The following PIP5K1B variants were observed in gnomAD, a reference collection of about 807,000 sequenced individuals.
The protein encoded by PIP5K1B is phosphatidylinositol-4-phosphate 5-kinase type 1 beta.
A neutral mutation model predicts 67.0 loss-of-function variants in PIP5K1B; 42 were observed. The ratio of observed to expected loss-of-function variants is 0.63; its 90% CI spans 0.49 to 0.81. The LOEUF is 0.81. Among genes scored for constraint, PIP5K1B ranks in the 30% least tolerant of loss-of-function variants. The pLI, the probability that PIP5K1B is intolerant of heterozygous loss-of-function variation, is 0.00. For synonymous variants in PIP5K1B, 214 were observed against 231.4 expected (o/e 0.92, Z 0.68); for missense variants, 459 against 646.3 (o/e 0.71, Z 3.14).
intron 4 of PIP5K1B, among the ~76,000 whole-genome samples, chr9:68,831,270 CAA>C (rs771078981): frequency 1.3e-5 from 2 of 152,176 alleles, no homozygotes; most frequent in Non-Finnish European, 1.5e-5. Context: ...TATTACCAAT[CAA>C]AAGCAATTTT....
chr9:68,763,461 TC>T (rs1333037005), intron 2 of PIP5K1B, among the ~76,000 whole-genome samples: 4 of 152,072 alleles, frequency 2.6e-5, no homozygotes, highest in Non-Finnish European at 5.9e-5. Context: ...AAAAAAGCAC[TC>T]AACGAATGTC....
chr9:68,991,506 G>A (rs1470335730), intron 15 of PIP5K1B, among the ~76,000 whole-genome samples: 1 of 152,212 alleles, frequency 6.6e-6, no homozygotes, highest in Non-Finnish European at 1.5e-5. Context: ...CTCTAATGTT[G>A]AGGCAAAGTA....
intron 2 of PIP5K1B, among the ~76,000 whole-genome samples, chr9:68,762,794 CGT>C (rs2132394485): frequency 6.6e-6 from 1 of 152,160 alleles, no homozygotes; most frequent in East Asian, 1.9e-4. Context: ...CACTTAGAAA[CGT>C]TTATGAGTGT....
At chr9:68,893,932 T>C (rs1222952313) in intron 7 of PIP5K1B, among the ~76,000 whole-genome samples, 1 of 152,226 alleles carries the variant, frequency 6.6e-6, no homozygotes, top group African/African-American at 2.4e-5. Context: ...TTACATAGTG[T>C]GGTTGTAAAT....
intron 1 of PIP5K1B, among the ~76,000 whole-genome samples, chr9:68,720,264 G>A (rs566840464): frequency 3.9e-5 from 6 of 152,180 alleles, no homozygotes; most frequent in Non-Finnish European, 7.4e-5. Context: ...TTCCTTCCCC[G>A]AGGAGCAGCC....
chr9:68,789,401 G>T, intron 2 of PIP5K1B: 2 of 434,632 alleles, frequency 4.6e-6, no homozygotes, highest in Admixed American at 2.8e-5. Context: ...ACATAGTCCT[G>T]AAATGTGTCC....
intron 4 of PIP5K1B, among the ~76,000 whole-genome samples, chr9:68,832,188 A>G (rs1834361526): frequency 6.6e-6 from 1 of 152,266 alleles, no homozygotes; most frequent in African/African-American, 2.4e-5. Context: ...TAAAGTGATC[A>G]TTTCAAAAAT....
chr9:68,994,950 A>G (rs1411677), intron 15 of PIP5K1B, among the ~76,000 whole-genome samples: 85,892 of 151,536 alleles, frequency 0.57, 26,211 homozygotes, highest in East Asian at 0.86. Flanking sequence ...AGCCAAGGCA[A>G]CACAGTGATA....
intron 2 of PIP5K1B, among the ~76,000 whole-genome samples, chr9:68,770,312 G>A (rs1830616756): frequency 6.6e-6 from 1 of 152,182 alleles, no homozygotes; most frequent in Admixed American, 6.5e-5. Flanking sequence ...CCTCAGGAAG[G>A]GGAGTGGCAA....
chr9:68,924,388 T>A, intron 12 of PIP5K1B, among the ~76,000 whole-genome samples: 3 of 109,566 alleles, frequency 2.7e-5, no homozygotes, highest in African/African-American at 3.7e-5. Context: ...GGCAACAGAG[T>A]GACACTGCGC....
intron 1 of PIP5K1B, among the ~76,000 whole-genome samples, chr9:68,733,440 T>C (rs1828552128): frequency 6.6e-6 from 1 of 152,018 alleles, no homozygotes; most frequent in African/African-American, 2.4e-5. Flanking sequence ...ACCGCAGTGC[T>C]TCCCAAAGAA....
intron 4 of PIP5K1B, chr9:68,843,411 A>G (rs1822018249): frequency 6.6e-6 from 1 of 152,178 alleles, no homozygotes; most frequent in Non-Finnish European, 1.5e-5. Context: ...TAAATTTTTG[A>G]AAAAAAATTT....
intron 14 of PIP5K1B, among the ~76,000 whole-genome samples, chr9:68,952,129 T>C (rs1828108212): frequency 6.6e-6 from 1 of 152,210 alleles, no homozygotes; most frequent in Non-Finnish European, 1.5e-5. Context: ...TGTCATATAC[T>C]ATGTTTCAGT....
At chr9:68,798,482 A>G (rs1455020571) in intron 2 of PIP5K1B, among the ~76,000 whole-genome samples, 1 of 152,214 alleles carries the variant, frequency 6.6e-6, no homozygotes, top group Admixed American at 6.5e-5. Flanking sequence ...TTAGGAAGGA[A>G]ATAAACAATG....
intron 14 of PIP5K1B, among the ~76,000 whole-genome samples, chr9:68,952,846 TCTTC>T (rs1828160385): frequency 6.7e-6 from 1 of 150,088 alleles, no homozygotes; most frequent in Admixed American, 6.6e-5. Flanking sequence ...TTCCTTCCTT[TCTTC>T]CTTCCTTTCT....
intron 1 of PIP5K1B, among the ~76,000 whole-genome samples, chr9:68,731,510 G>A (rs535392766): frequency 1.3e-5 from 2 of 152,324 alleles, no homozygotes; most frequent in East Asian, 1.9e-4. Flanking sequence ...TATTTTGAAA[G>A]GTGCGGAGGG....
chr9:68,842,946 G>A (rs548147456), intron 4 of PIP5K1B, among the ~76,000 whole-genome samples: 2 of 152,340 alleles, frequency 1.3e-5, no homozygotes, highest in Admixed American at 6.5e-5. Flanking sequence ...ACTGAAGTGA[G>A]CCAAGGTGGT....
intron 5 of PIP5K1B, among the ~76,000 whole-genome samples, chr9:68,867,451 G>T (rs1367903081): frequency 6.6e-6 from 1 of 152,236 alleles, no homozygotes; most frequent in Non-Finnish European, 1.5e-5. Flanking sequence ...TTAGCAAAGG[G>T]ATTTGGCCCA....
In PIP5K1B at chr9:68,893,863, T is replaced by G. The variant is rs549328882; in HGVS notation, c.472-476T>G. Among the ~76,000 whole-genome samples the G allele has an allele frequency of 4.6e-5, 7 of 152,328 alleles. No individual in the cohort carries two copies. The East Asian group carries it at 1.3e-3, about 29-fold the overall frequency. Reference sequence around the variant, plus strand: ...TTTCACTAATCATGCTTACAAAGATTTTAAAGTTTGGGTACTATTCAGCCC... The same window carrying G: ...TTTCACTAATCATGCTTACAAAGATGTTAAAGTTTGGGTACTATTCAGCCC... On this transcript the variant is annotated intron_variant, in intron 7 of 15. Transcript: ENST00000265382.
Sources: allele counts gnomAD v4.1 joint callset (sites outside exome capture counted in the v4.1 genomes callset), GRCh38; gene constraint gnomAD v4.1.1; transcripts MANE v1.5; gene names NCBI Gene and HGNC (gene_info 2026-07-23, HGNC 2026-07-21).